The following UBL3 variants were observed in gnomAD, a reference collection of about 807,000 sequenced individuals.
UBL3 encodes the protein ubiquitin-like protein 3.
A neutral mutation model predicts 18.4 loss-of-function variants in UBL3; 6 were observed. The ratio of observed to expected loss-of-function variants is 0.33; its 90% CI spans 0.18 to 0.64. UBL3 has a LOEUF of 0.64. Among genes scored for constraint, UBL3 ranks in the 30% least tolerant of loss-of-function variants. The pLI is 0.76. For missense variants in UBL3, 109 were observed against 142.9 expected (o/e 0.76, Z 1.21); for synonymous variants, 49 against 46.6 (o/e 1.05, Z -0.21).
chr13:29,797,850 G>A (rs1278154875), intron 1 of UBL3, among the ~76,000 whole-genome samples: 1 of 152,060 alleles, frequency 6.6e-6, no homozygotes, highest in Non-Finnish European at 1.5e-5. Flanking sequence ...ATTTAGGTCT[G>A]TAAATCCATG....
intron 2 of UBL3, among the ~76,000 whole-genome samples, chr13:29,772,628 T>TA (rs1876874425): frequency 1.3e-5 from 2 of 152,100 alleles, no homozygotes; most frequent in African/African-American, 4.8e-5. Context: ...AACAAAGATC[T>TA]AAAAAACAGT....
intron 1 of UBL3, among the ~76,000 whole-genome samples, chr13:29,802,371 G>GA (rs1306849667): frequency 6.6e-6 from 1 of 152,202 alleles, no homozygotes; most frequent in Non-Finnish European, 1.5e-5. Context: ...ACACAGAGAA[G>GA]AAAGAACCAG....
chr13:29,835,148 ATATATATATATATATATATATATATAT>A, intron 1 of UBL3, among the ~76,000 whole-genome samples: 1 of 22,634 alleles, frequency 4.4e-5, no homozygotes, highest in Non-Finnish European at 8.3e-5. Context: ...ATATATATAT[ATATATATATATATATATATATATATAT>A]ATATATATAT....
Position 29,779,391 on chromosome 13 carries a change from A to G in UBL3, c.28-2128T>C, listed in dbSNP as rs554812315. On this transcript the variant is annotated intron_variant, in intron 1 of 4. Transcript: ENST00000380680. The stretch of plus-strand genomic sequence containing the variant: ...AGTTCAGCCACTTGTGTTTAACTAG[A>G]AAAAATATAATTAAATTCAAGCTTT... 181 of 251,182 alleles carry G rather than the reference A, an allele frequency of 7.2e-4. 2 individuals are homozygous for G. The highest frequency in any genetic ancestry group is 6.7e-3 in the South Asian group (168 of 25,090). 15.6% of individuals were successfully genotyped at this position (251,182 alleles called of 1,614,324 possible). A position where few individuals can be genotyped will look rare whatever the true frequency, so the allele number is the denominator to read the frequency against.
intron 3 of UBL3, among the ~76,000 whole-genome samples, 172 bp from the exon 4 acceptor site, chr13:29,767,867 T>C (rs1014696110): frequency 2.6e-5 from 4 of 152,146 alleles, no homozygotes; most frequent in Non-Finnish European, 5.9e-5. Context: ...AAATAACATT[T>C]AAAATTTAGA....
At chr13:29,801,125 G>A (rs1877752198) in intron 1 of UBL3, among the ~76,000 whole-genome samples, 3 of 152,154 alleles carry the variant, frequency 2.0e-5, no homozygotes, top group Admixed American at 2.0e-4. Flanking sequence ...CAGGGGTACT[G>A]CCCTTGCCAC....
At chr13:29,818,173 T>G (rs1357590689) in intron 1 of UBL3, among the ~76,000 whole-genome samples, 2 of 152,236 alleles carry the variant, frequency 1.3e-5, no homozygotes, top group Middle Eastern at 3.4e-3. Context: ...GCAGCAAAAG[T>G]AGCTAAAAAT....
At chr13:29,814,230 A>G (rs1348727412) in intron 1 of UBL3, among the ~76,000 whole-genome samples, 1 of 152,080 alleles carries the variant, frequency 6.6e-6, no homozygotes, top group African/African-American at 2.4e-5. Context: ...TACTTCAAAT[A>G]TCAAAAATCA....
chr13:29,825,464 A>G (rs1340343498), intron 1 of UBL3, among the ~76,000 whole-genome samples: 2 of 152,156 alleles, frequency 1.3e-5, no homozygotes, highest in Admixed American at 6.5e-5. Context: ...CTTTGAAGCA[A>G]TTGTGAATGG....
At position 29,767,251 on chromosome 13, in the gene UBL3, G is replaced by C; in HGVS notation, c.*4C>G. ...TATATCACATCACACTAGGCAGACA[G>C]TGTTTACAGGATTACACAACAATTA... On this transcript the variant is annotated 3_prime_UTR_variant, in exon 5 of 5. Transcript: ENST00000380680. 2.5e-6 allele frequency: 4 copies of C among 1,613,018 alleles called. No individual in the cohort carries two copies. Among genetic ancestry groups the C allele is most frequent in the Non-Finnish European group, 3.4e-6 (4 of 1,179,214 alleles).
chr13:29,800,242 CTCTG>C (rs915795757), intron 1 of UBL3, among the ~76,000 whole-genome samples: 3 of 152,162 alleles, frequency 2.0e-5, no homozygotes, highest in Admixed American at 2.0e-4. Flanking sequence ...TGACATCTTG[CTCTG>C]CTGAAAATAT....
In UBL3 at chr13:29,831,049, ACT is replaced by A. The variant is rs1282153513; in HGVS notation, c.27+18461_27+18462del. ...CATTTTTTTTTTCTTTTTTCCTATA[ACT>A]CTGTTCCTTTTCTCACGTTCATAAT... On this transcript the variant is annotated intron_variant, in intron 1 of 4. Coordinates refer to ENST00000380680, the MANE Select transcript of UBL3 (RefSeq NM_007106.4). Among the ~76,000 whole-genome samples, 8 of 151,590 alleles carry A rather than the reference ACT, an allele frequency of 5.3e-5. No homozygotes were observed. The South Asian group carries it at 1.7e-3, about 32-fold the overall frequency.
intron 1 of UBL3, among the ~76,000 whole-genome samples, chr13:29,788,283 A>G (rs1210292794): frequency 6.6e-6 from 1 of 152,174 alleles, no homozygotes. Flanking sequence ...CAATTCCCAG[A>G]TTCCCTCTCT....
chr13:29,830,339 C>T (rs1393209808), intron 1 of UBL3, among the ~76,000 whole-genome samples: 1 of 152,178 alleles, frequency 6.6e-6, no homozygotes, highest in African/African-American at 2.4e-5. Flanking sequence ...TACAACTTAT[C>T]AATGAACCCA....
chr13:29,846,244 A>G (rs1322008094), intron 1 of UBL3, among the ~76,000 whole-genome samples: 1 of 152,150 alleles, frequency 6.6e-6, no homozygotes, highest in South Asian at 2.1e-4. Flanking sequence ...TTTTTTCACA[A>G]ATAAGTTACT....
At chr13:29,792,080 T>C (rs1046936601) in intron 1 of UBL3, among the ~76,000 whole-genome samples, 1 of 152,178 alleles carries the variant, frequency 6.6e-6, no homozygotes, top group African/African-American at 2.4e-5. Flanking sequence ...TTCAAGTTAA[T>C]TCATATAGTC....
chr13:29,827,249 T>A (rs1303092494), intron 1 of UBL3, among the ~76,000 whole-genome samples: 1 of 152,112 alleles, frequency 6.6e-6, no homozygotes, highest in Non-Finnish European at 1.5e-5. Context: ...TTGTTAACTT[T>A]GTCTCGTTGA....
At chr13:29,779,298 C>A in intron 1 of UBL3, 1 of 473,612 alleles carries the variant, frequency 2.1e-6, no homozygotes, top group Non-Finnish European at 4.2e-6. Flanking sequence ...ATACATATTA[C>A]CCTATGAACT....
intron 2 of UBL3, among the ~76,000 whole-genome samples, chr13:29,775,059 A>T (rs1876945117): frequency 6.6e-6 from 1 of 152,178 alleles, no homozygotes; most frequent in South Asian, 2.1e-4. Context: ...TTTTATGGTG[A>T]CTCTACAGAC....
Sources: allele counts gnomAD v4.1 joint callset (sites outside exome capture counted in the v4.1 genomes callset), GRCh38; gene constraint gnomAD v4.1.1; transcripts MANE v1.5; gene names NCBI Gene and HGNC (gene_info 2026-07-23, HGNC 2026-07-21).